Variants in CXCL13 observed in about 807,000 individuals in gnomAD.
CXCL13 encodes C-X-C motif chemokine 13.
In CXCL13, 7 loss-of-function variants were observed where a neutral mutation model predicts 12.2. That is an observed-to-expected ratio of 0.57 (90% confidence interval 0.33 to 1.07). The LOEUF is 1.07. Among genes scored for constraint, CXCL13 ranks in the 50% least tolerant of loss-of-function variants. The probability of loss-of-function intolerance (pLI) is 0.04; values close to 1 mark genes in which losing one functional copy is unlikely to be tolerated. For synonymous variants in CXCL13, 47 were observed against 42.4 expected, an observed-to-expected ratio of 1.11 and a Z score of -0.42; for missense variants, 113 against 127.4, an observed-to-expected ratio of 0.89 and a Z score of 0.55.
intron 1 of CXCL13, among the ~76,000 whole-genome samples, chr4:77,537,512 G>T (rs1016241328): frequency 4.6e-5 from 7 of 152,204 alleles, no homozygotes; most frequent in African/African-American, 1.7e-4. Flanking sequence ...GTCTGGAGGG[G>T]CAATGGAAGA....
At position 77,611,572 on chromosome 4, in the gene CXCL13, G is replaced by A. The variant is rs1009824231; in HGVS notation, c.*533G>A. 1 of 397,632 alleles carries A rather than the reference G, an allele frequency of 2.5e-6. No individual in the cohort carries two copies. Among genetic ancestry groups the A allele is most frequent in the Non-Finnish European group, 4.4e-6 (1 of 225,920 alleles). The allele number at this position is 397,632 out of a possible 1,614,324, so 24.6% of individuals were successfully genotyped here. A position where few individuals can be genotyped will look rare whatever the true frequency, so the allele number is the denominator to read the frequency against. On this transcript the variant is annotated 3_prime_UTR_variant, in exon 4 of 4. Coordinates refer to ENST00000682537, the MANE Select transcript of CXCL13 (RefSeq NM_001371558.1). Reference sequence around the variant, plus strand: ...AGGAGAATTAAGTCCTACTTTTAAAGAATTTCTTTATAAAATTTACTGTCT... The same window carrying A: ...AGGAGAATTAAGTCCTACTTTTAAAAAATTTCTTTATAAAATTTACTGTCT...
chr4:77,518,525 C>G (rs1724489357), intron 1 of CXCL13, among the ~76,000 whole-genome samples: 2 of 152,166 alleles, frequency 1.3e-5, no homozygotes, highest in South Asian at 4.1e-4. Context: ...AACTTCCCTT[C>G]TTGCTTCATT....
chr4:77,552,119 A>T (rs1225149946), intron 1 of CXCL13, among the ~76,000 whole-genome samples: 1 of 152,042 alleles, frequency 6.6e-6, no homozygotes, highest in Non-Finnish European at 1.5e-5. Context: ...TTCGCTGGAG[A>T]GGTAGTGTGA....
intron 1 of CXCL13, among the ~76,000 whole-genome samples, chr4:77,515,755 A>C (rs1724400117): frequency 6.6e-6 from 1 of 152,214 alleles, no homozygotes; most frequent in African/African-American, 2.4e-5. Flanking sequence ...ATCTGCCAAC[A>C]GGGACAATTT....
chr4:77,550,061 T>C (rs958518313), intron 1 of CXCL13, among the ~76,000 whole-genome samples: 5 of 152,198 alleles, frequency 3.3e-5, no homozygotes, highest in Non-Finnish European at 5.9e-5. Context: ...GACACCCCTC[T>C]CCCAGCCTTG....
At chr4:77,553,357 G>A (rs952211788) in intron 1 of CXCL13, among the ~76,000 whole-genome samples, 5 of 152,204 alleles carry the variant, frequency 3.3e-5, no homozygotes, top group African/African-American at 7.2e-5. Flanking sequence ...CATGCTGCTG[G>A]GTTGCCAAAG....
intron 1 of CXCL13, among the ~76,000 whole-genome samples, chr4:77,520,784 G>C (rs368859761): frequency 2.6e-5 from 4 of 152,146 alleles, no homozygotes; most frequent in African/African-American, 7.2e-5. Context: ...GGGCATCTCT[G>C]TCTTGTGCCA....
intron 1 of CXCL13, among the ~76,000 whole-genome samples, chr4:77,528,524 G>A (rs577200493): frequency 1.3e-5 from 2 of 152,270 alleles, no homozygotes; most frequent in South Asian, 4.1e-4. Flanking sequence ...TTCTCTGATG[G>A]CCACTGATGA....
chr4:77,519,919 A>G (rs1297644054), intron 1 of CXCL13, among the ~76,000 whole-genome samples: 1 of 152,216 alleles, frequency 6.6e-6, no homozygotes, highest in Non-Finnish European at 1.5e-5. Context: ...ATCCAGTTTC[A>G]GCTTTCTACA....
chr4:77,515,376 G>A (rs1724389082), intron 1 of CXCL13, among the ~76,000 whole-genome samples: 1 of 152,110 alleles, frequency 6.6e-6, no homozygotes, highest in Admixed American at 6.5e-5. Flanking sequence ...GGATGGCATT[G>A]AATCTATAAA....
At chr4:77,585,674 T>G (rs2109827454) in intron 1 of CXCL13, among the ~76,000 whole-genome samples, 1 of 152,352 alleles carries the variant, frequency 6.6e-6, no homozygotes, top group South Asian at 2.1e-4. Context: ...AATCAATGAC[T>G]AATGATAGGT....
At chr4:77,548,308 G>T (rs932267604) in intron 1 of CXCL13, among the ~76,000 whole-genome samples, 3 of 152,156 alleles carry the variant, frequency 2.0e-5, no homozygotes, top group Non-Finnish European at 4.4e-5. Flanking sequence ...CATTCAGCAA[G>T]GTCTTTACAA....
chr4:77,571,359 A>G (rs897532279), intron 1 of CXCL13, among the ~76,000 whole-genome samples: 4 of 151,490 alleles, frequency 2.6e-5, no homozygotes, highest in Non-Finnish European at 5.9e-5. Flanking sequence ...GACACTCTGT[A>G]TCTAGCTGCT....
chr4:77,557,153 T>A (rs556321696), intron 1 of CXCL13, among the ~76,000 whole-genome samples: 21 of 152,228 alleles, frequency 1.4e-4, no homozygotes, highest in African/African-American at 5.1e-4. Flanking sequence ...GTTTCAAATG[T>A]TGTTGATTTA....
In CXCL13 at chr4:77,520,636, A is replaced by C. The variant is rs559664397; in HGVS notation, c.-43+8848A>C. Among the ~76,000 whole-genome samples the C allele has an allele frequency of 1.4e-4, 22 of 152,306 alleles. 1 individual carries two copies. Among genetic ancestry groups the C allele is most frequent in the African/African-American group, 5.1e-4 (21 of 41,564 alleles). The stretch of plus-strand genomic sequence containing the variant: ...TTGGGCTGAGACAATGGGGTTTTCT[A>C]AATATACAATCATATCATCCTCAAA... On this transcript the variant is annotated intron_variant, in intron 1 of 4. Transcript: ENST00000286758.
intron 1 of CXCL13, among the ~76,000 whole-genome samples, chr4:77,528,240 T>C (rs529780856): frequency 3.9e-5 from 6 of 152,310 alleles, no homozygotes; most frequent in East Asian, 3.9e-4. Flanking sequence ...AATAAACATA[T>C]GTGTGCATGT....
At chr4:77,515,860 G>A (rs1324938752) in intron 1 of CXCL13, among the ~76,000 whole-genome samples, 1 of 152,208 alleles carries the variant, frequency 6.6e-6, no homozygotes, top group Non-Finnish European at 1.5e-5. Context: ...TGGGAGTGGT[G>A]AGAGAGGGCA....
intron 1 of CXCL13, among the ~76,000 whole-genome samples, chr4:77,523,230 T>C (rs1724661303): frequency 1.3e-5 from 2 of 152,184 alleles, no homozygotes; most frequent in South Asian, 4.1e-4. Context: ...GTGTTGTCTG[T>C]ATTTCAGGAA....
chr4:77,599,503 C>A lies in CXCL13; in HGVS notation c.-42-6321C>A, dbSNP rs143362561. Among the ~76,000 whole-genome samples the A allele has an allele frequency of 6.3e-3, 964 of 152,172 alleles. 11 individuals carry two copies. The highest frequency in any genetic ancestry group is 0.022 in the African/African-American group (893 of 41,508). ...GTTGGTTGGATCCACAGATGTGAAA[C>A]CCTATGGATAAGGAAGGCCGACTGT... On this transcript the variant is annotated intron_variant, in intron 1 of 4. Coordinates refer to the CXCL13 transcript ENST00000286758.
Sources: gnomAD v4.1 joint callset for allele counts (sites outside exome capture counted in the v4.1 genomes callset) on GRCh38, gnomAD v4.1.1 for gene constraint, MANE v1.5 for transcripts, NCBI Gene and HGNC (gene_info 2026-07-23, HGNC 2026-07-21) for gene names.